SPAG16: variants seen among roughly 807,000 people sequenced by gnomAD.
The protein encoded by SPAG16 is sperm associated antigen 16.
Under a neutral mutation model 80.4 loss-of-function variants are expected in SPAG16, and 86 were observed. The ratio of observed to expected loss-of-function variants is 1.07; its 90% CI spans 0.90 to 1.28. The LOEUF (loss-of-function observed/expected upper bound fraction) is 1.28, where lower values mean the gene tolerates loss of function less well. Among genes scored for constraint, SPAG16 ranks in the 50% most tolerant of loss-of-function variants. The pLI is 0.00. For missense variants in SPAG16, 870 were observed against 765.3 expected (o/e 1.14, Z -1.61); for synonymous variants, 294 against 265.9 (o/e 1.11, Z -1.03).
intron 10 of SPAG16, among the ~76,000 whole-genome samples, chr2:213,801,753 T>TAAGCCA (rs2071421833): frequency 6.6e-6 from 1 of 152,218 alleles, no homozygotes; most frequent in Non-Finnish European, 1.5e-5. Context: ...CTTATGGTCA[T>TAAGCCA]AAGCCACTGA....
At chr2:213,869,085 C>T (rs1354838245) in intron 11 of SPAG16, among the ~76,000 whole-genome samples, 1 of 151,132 alleles carries the variant, frequency 6.6e-6, no homozygotes, top group East Asian at 1.9e-4. Flanking sequence ...AACCTCATCT[C>T]TACTAAAAAT....
In SPAG16 at chr2:213,620,027, G is replaced by A. The variant is rs536580486; in HGVS notation, c.1070+129937G>A. On this transcript the variant is annotated intron_variant, in intron 10 of 15. Transcript: ENST00000331683. ...ACATTTAAGGCAACAAGGATGAACC[G>A]GAAGACATTATGCTAAGTAAAGTAA... is the stretch of plus-strand genomic sequence containing the variant. Among the ~76,000 whole-genome samples the A allele has an allele frequency of 3.3e-5, 5 of 152,010 alleles. No individual in the cohort carries two copies. In the South Asian group the frequency reaches 6.2e-4, roughly 19 times the overall value.
intron 14 of SPAG16, among the ~76,000 whole-genome samples, chr2:214,114,864 G>A (rs2125432212): frequency 6.6e-6 from 1 of 152,286 alleles, no homozygotes; most frequent in East Asian, 1.9e-4. Flanking sequence ...AGTTGGAAAT[G>A]CAGAAATCAC....
intron 10 of SPAG16, among the ~76,000 whole-genome samples, chr2:213,525,611 TACCCAG>T (rs1350023070): frequency 3.3e-5 from 5 of 152,104 alleles, no homozygotes; most frequent in Non-Finnish European, 7.4e-5. Context: ...CTTTATAAAT[TACCCAG>T]TCTCAGGCAT....
At chr2:213,580,158 T>C (rs1413538814) in intron 10 of SPAG16, among the ~76,000 whole-genome samples, 3 of 151,908 alleles carry the variant, frequency 2.0e-5, no homozygotes, top group African/African-American at 7.3e-5. Flanking sequence ...CAGAGAGGAA[T>C]ATCCTTATCC....
At chr2:213,985,810 A>G (rs543806825) in intron 12 of SPAG16, among the ~76,000 whole-genome samples, 1 of 152,188 alleles carries the variant, frequency 6.6e-6, no homozygotes, top group Admixed American at 6.6e-5. Context: ...AGACAAGGAA[A>G]TAGCAGAGGC....
intron 10 of SPAG16, among the ~76,000 whole-genome samples, chr2:213,645,275 G>A (rs1470574182): frequency 6.6e-6 from 1 of 151,514 alleles, no homozygotes; most frequent in Admixed American, 6.6e-5. Context: ...GCCCAGGGCA[G>A]GTCCAGAAAC....
chr2:213,626,491 T>C (rs1336141674), intron 10 of SPAG16, among the ~76,000 whole-genome samples: 1 of 152,048 alleles, frequency 6.6e-6, no homozygotes, highest in Non-Finnish European at 1.5e-5. Context: ...ATGAAAAATA[T>C]ATATAACATT....
Position 213,446,653 on chromosome 2 carries a change from T to A in SPAG16, c.943-43310T>A, listed in dbSNP as rs114743036. Among the ~76,000 whole-genome samples the A allele has an allele frequency of 2.1e-3, 326 of 152,336 alleles. 2 individuals carry two copies. Among genetic ancestry groups the A allele is most frequent in the African/African-American group, 7.4e-3 (309 of 41,578 alleles). On this transcript the variant is annotated intron_variant, in intron 9 of 15. Transcript: ENST00000331683. The stretch of plus-strand genomic sequence containing the variant: ...TTTACCTACTACACAAAATTATTCT[T>A]ATCGGGCTTATGTGCCTTTTCCTCC...
At position 214,349,097 on chromosome 2, in the gene SPAG16, G is replaced by A. The variant is rs10209386; in HGVS notation, c.1721-61043G>A. Among the ~76,000 whole-genome samples, 1,515 of 152,056 alleles carry A rather than the reference G, an allele frequency of 1.0e-2. 30 individuals carry two copies. The highest frequency in any genetic ancestry group is 0.035 in the African/African-American group (1,451 of 41,452). ...TTTATTATTATTCAATATTATCATG[G>A]CTATTATTGATCCTTTGCTTTTGCA... is the stretch of plus-strand genomic sequence containing the variant. On this transcript the variant is annotated intron_variant, in intron 15 of 15. Coordinates refer to ENST00000331683, the MANE Select transcript of SPAG16 (RefSeq NM_024532.5).
rs990000640 is a variant in SPAG16, at chr2:213,488,256, G to A, written c.943-1707G>A. 9.8e-4 allele frequency among the ~76,000 whole-genome samples: 149 copies of A among 152,222 alleles called. 1 individual carries two copies. Among genetic ancestry groups the A allele is most frequent in the Non-Finnish European group, 5.0e-4 (34 of 68,020 alleles). ...TTTTTAAGTGCATGTGTGTATGCAC[G>A]TGTGTGTATACGCCATTAACAAAGA... On this transcript the variant is annotated intron_variant, in intron 9 of 15. Transcript: ENST00000331683.
At chr2:214,064,316 T>C (rs1182962289) in intron 13 of SPAG16, among the ~76,000 whole-genome samples, 2 of 152,152 alleles carry the variant, frequency 1.3e-5, no homozygotes, top group Non-Finnish European at 2.9e-5. Context: ...ATAATAAGTA[T>C]GCTCCTTGTG....
At chr2:213,705,270 G>A (rs1399392913) in intron 10 of SPAG16, among the ~76,000 whole-genome samples, 2 of 151,644 alleles carry the variant, frequency 1.3e-5, no homozygotes, top group African/African-American at 4.8e-5. Flanking sequence ...GAAAGAGAGA[G>A]AGAGGGAGGG....
intron 10 of SPAG16, among the ~76,000 whole-genome samples, chr2:213,738,816 G>T (rs1199052636): frequency 6.6e-6 from 1 of 152,102 alleles, no homozygotes; most frequent in African/African-American, 2.4e-5. Context: ...GGGGAGATAG[G>T]GCTTTAAGAC....
chr2:214,273,297 C>G (rs1050775744), intron 15 of SPAG16, among the ~76,000 whole-genome samples: 2 of 152,098 alleles, frequency 1.3e-5, no homozygotes, highest in African/African-American at 2.4e-5. Flanking sequence ...TTAGTTTAAT[C>G]AGATCCCATT....
At chr2:214,247,891 G>A (rs1297013548) in intron 15 of SPAG16, among the ~76,000 whole-genome samples, 2 of 151,984 alleles carry the variant, frequency 1.3e-5, no homozygotes, top group African/African-American at 4.8e-5. Flanking sequence ...AGCGGGGCAC[G>A]GTGGTATGCA....
rs560307594 is a variant in SPAG16 at position 214,214,559 on chromosome 2, T to A, written c.1720+65293T>A. 4.6e-5 allele frequency among the ~76,000 whole-genome samples: 7 copies of A among 152,268 alleles called. No homozygotes were observed. The South Asian group carries it at 1.2e-3, about 27-fold the overall frequency. ...AGGTTTGTCTCCTCTCTGATTCACC[T>A]ATTCCAATGCCTATTCTTATAAATA... On this transcript the variant is annotated intron_variant, in intron 15 of 15. Coordinates refer to ENST00000331683, the MANE Select transcript of SPAG16 (RefSeq NM_024532.5).
chr2:213,541,885 C>T (rs2076459692), intron 10 of SPAG16, among the ~76,000 whole-genome samples: 2 of 152,130 alleles, frequency 1.3e-5, no homozygotes, highest in Non-Finnish European at 2.9e-5. Context: ...TGAGTTCTTC[C>T]TCACTGGGGG....
chr2:213,592,505 A>T (rs1340242929), intron 10 of SPAG16, among the ~76,000 whole-genome samples: 3 of 152,202 alleles, frequency 2.0e-5, no homozygotes, highest in Non-Finnish European at 2.9e-5. Context: ...TTTAAAACTA[A>T]ATATATATGT....
Sources: gnomAD v4.1 joint callset for allele counts (sites outside exome capture counted in the v4.1 genomes callset) on GRCh38, gnomAD v4.1.1 for gene constraint, MANE v1.5 for transcripts, NCBI Gene and HGNC (gene_info 2026-07-23, HGNC 2026-07-21) for gene names.